UEVLD: variants seen among roughly 807,000 people sequenced by gnomAD.
UEVLD encodes the protein ubiquitin-conjugating enzyme E2 variant 3.
Under a neutral mutation model 58.6 loss-of-function variants are expected in UEVLD, and 47 were observed. That is an observed-to-expected ratio of 0.80 (90% CI 0.63 to 1.02). The LOEUF is 1.02. Among genes scored for constraint, UEVLD ranks in the 50% least tolerant of loss-of-function variants. The pLI is 0.00. For synonymous variants in UEVLD, 197 were observed against 195.3 expected (o/e 1.01, Z -0.07); for missense variants, 510 against 550.6 (o/e 0.93, Z 0.74).
At chr11:18,538,638 G>C (rs912051008) in intron 9 of UEVLD, among the ~76,000 whole-genome samples, 2 of 132,222 alleles carry the variant, frequency 1.5e-5, no homozygotes, top group Non-Finnish European at 3.3e-5. Context: ...CTTTACCATG[G>C]TGTTGGGTAC....
At chr11:18,562,199 A>T (rs1400769249) in intron 6 of UEVLD, among the ~76,000 whole-genome samples, 1 of 152,004 alleles carries the variant, frequency 6.6e-6, no homozygotes, top group Non-Finnish European at 1.5e-5. Context: ...ATCCTCAGCC[A>T]CCCAAGTTGC....
At chr11:18,571,723 T>C (rs1048231364) in intron 3 of UEVLD, among the ~76,000 whole-genome samples, 1 of 152,210 alleles carries the variant, frequency 6.6e-6, no homozygotes, top group African/African-American at 2.4e-5. Flanking sequence ...AGATGATACA[T>C]TGGTAGGCCA....
At chr11:18,569,712 C>T (rs945668853) in intron 4 of UEVLD, among the ~76,000 whole-genome samples, 1 of 152,094 alleles carries the variant, frequency 6.6e-6, no homozygotes, top group East Asian at 1.9e-4. Flanking sequence ...TACAAAATTA[C>T]ATAACATGAG....
At chr11:18,582,755 T>C (rs1853310877) in intron 1 of UEVLD, among the ~76,000 whole-genome samples, 1 of 152,204 alleles carries the variant, frequency 6.6e-6, no homozygotes, top group Non-Finnish European at 1.5e-5. Flanking sequence ...TCTCAAGCAG[T>C]GCCATGTGCT....
intron 2 of UEVLD, among the ~76,000 whole-genome samples, chr11:18,577,887 A>AAAAG (rs1565141594): frequency 4.6e-5 from 7 of 151,262 alleles, no homozygotes; most frequent in African/African-American, 1.5e-4. Flanking sequence ...AAAAAAAAAA[A>AAAAG]AAAGAAAGAT....
At chr11:18,558,136 G>A (rs1033476489) in intron 7 of UEVLD, 92 bp downstream of exon 7, 2 of 817,078 alleles carry the variant, frequency 2.4e-6, no homozygotes, top group Non-Finnish European at 3.7e-6. Flanking sequence ...ACTTGGACAA[G>A]GTGATCTTTA....
chr11:18,552,983 G>A (rs866118313), intron 7 of UEVLD, among the ~76,000 whole-genome samples: 16 of 151,628 alleles, frequency 1.1e-4, no homozygotes, highest in African/African-American at 1.4e-4. Context: ...GTGAAACCCC[G>A]TCTCTACTAA....
chr11:18,583,683 CAG>C (rs1306917830), intron 1 of UEVLD, among the ~76,000 whole-genome samples: 5 of 96,292 alleles, frequency 5.2e-5, no homozygotes, highest in Admixed American at 2.6e-4. Context: ...TTTTTTGAGA[CAG>C]AGTTTCACTC....
rs745332717 is a variant in UEVLD at position 18,581,385 on chromosome 11, T to C, written c.43-2577A>G. ...TTTCAGCCTAGAGTCTAGAACAGTATAGAAAATTAGTAGTTAAGCCAGGCA... is the reference window on the plus strand; with the variant it reads ...TTTCAGCCTAGAGTCTAGAACAGTACAGAAAATTAGTAGTTAAGCCAGGCA... On this transcript the variant is annotated intron_variant, in intron 1 of 11. Transcript: ENST00000396197. 5.9e-5 allele frequency among the ~76,000 whole-genome samples: 9 copies of C among 151,354 alleles called. No homozygotes were observed. The South Asian group carries it at 6.3e-4, about 11-fold the overall frequency.
At chr11:18,548,934 G>C (rs994009919) in intron 7 of UEVLD, among the ~76,000 whole-genome samples, 2 of 152,176 alleles carry the variant, frequency 1.3e-5, no homozygotes, top group Non-Finnish European at 2.9e-5. Flanking sequence ...CTGGTGATGA[G>C]TCAAAACCTC....
chr11:18,550,730 C>T (rs1183368391), intron 7 of UEVLD, among the ~76,000 whole-genome samples: 1 of 152,192 alleles, frequency 6.6e-6, no homozygotes, highest in African/African-American at 2.4e-5. Context: ...TTATATATTG[C>T]ATGTGTCTTT....
chr11:18,535,053 A>G (rs1850732610), intron 10 of UEVLD, among the ~76,000 whole-genome samples: 2 of 152,246 alleles, frequency 1.3e-5, no homozygotes, highest in African/African-American at 4.8e-5. Context: ...ACAATGTGCA[A>G]AAATGTCTGA....
intron 1 of UEVLD, among the ~76,000 whole-genome samples, chr11:18,582,808 A>T (rs1853314032): frequency 6.6e-6 from 1 of 152,230 alleles, no homozygotes; most frequent in South Asian, 2.1e-4. Context: ...GTGGTCCAAG[A>T]CATTCTAAAA....
chr11:18,585,894 C>T (rs1006125959), intron 1 of UEVLD, among the ~76,000 whole-genome samples: 1 of 152,202 alleles, frequency 6.6e-6, no homozygotes, highest in Non-Finnish European at 1.5e-5. Context: ...CTCGGCCTCC[C>T]GAAGTGCTGG....
chr11:18,583,989 A>C (rs987528060), intron 1 of UEVLD, among the ~76,000 whole-genome samples: 3 of 152,160 alleles, frequency 2.0e-5, no homozygotes, highest in Non-Finnish European at 1.5e-5. Flanking sequence ...ATCTAGGTTA[A>C]GTTGCCTCTC....
intron 7 of UEVLD, among the ~76,000 whole-genome samples, chr11:18,553,072 T>C (rs1010840473): frequency 6.7e-6 from 1 of 149,476 alleles, no homozygotes; most frequent in African/African-American, 2.5e-5. Flanking sequence ...GAAGAATCAC[T>C]TGAACCCAGG....
chr11:18,546,051 A>G (rs1851291743), intron 8 of UEVLD, among the ~76,000 whole-genome samples: 1 of 152,218 alleles, frequency 6.6e-6, no homozygotes, highest in South Asian at 2.1e-4. Context: ...AAAACAACTG[A>G]AATGCATACA....
chr11:18,564,945 C>T lies in UEVLD; in HGVS notation c.559G>A (p.Val187Met). The T allele has an allele frequency of 1.2e-6, 2 of 1,613,880 alleles. No individual in the cohort carries two copies. Among genetic ancestry groups the T allele is most frequent in the Non-Finnish European group, 1.7e-6 (2 of 1,179,922 alleles). The change falls in exon 6 of 12, where the codon GTG becomes ATG. Residue 187 changes from valine (V) to methionine (M), a missense_variant. Val to Met is a conservative substitution (Grantham distance 21). Transcript: ENST00000396197. ...HENKTVNKIT[V>M]VGGGELGIAC... is the part of the protein sequence containing the mutation. ...ATACCGAGTTCTCCACCTCCAACCACAGTAATTTTATTGACTGTTTTATTC... is the reference window on the plus strand; with the variant it reads ...ATACCGAGTTCTCCACCTCCAACCATAGTAATTTTATTGACTGTTTTATTC...
intron 6 of UEVLD, 99 bp downstream of exon 6, chr11:18,564,793 C>T: frequency 1.3e-6 from 1 of 779,218 alleles, no homozygotes; most frequent in Non-Finnish European, 2.0e-6. Context: ...ATAAGGTTTT[C>T]CCACGACAAA....
Sources: allele counts gnomAD v4.1 joint callset (sites outside exome capture counted in the v4.1 genomes callset), GRCh38; gene constraint gnomAD v4.1.1; transcripts MANE v1.5; gene names NCBI Gene and HGNC (gene_info 2026-07-23, HGNC 2026-07-21).